SLC15A5: variants seen among roughly 807,000 people sequenced by gnomAD.
SLC15A5 encodes solute carrier family 15 member 5, also known as Peptide/histidine transporter ENSP00000340402.
A neutral mutation model predicts 56.1 loss-of-function variants in SLC15A5; 58 were observed. The ratio of observed to expected loss-of-function variants is 1.03; its 90% confidence interval spans 0.84 to 1.29. The LOEUF (loss-of-function observed/expected upper bound fraction) is 1.29. Ranked by LOEUF, SLC15A5 falls within the 50% of genes most tolerant of loss-of-function variation. SLC15A5 has a pLI of 0.00. For missense variants in SLC15A5, 681 were observed against 672.1 expected, an observed-to-expected ratio of 1.01 and a Z score of -0.15; for synonymous variants, 264 against 250.5, an observed-to-expected ratio of 1.05 and a Z score of -0.51.
intron 2 of SLC15A5, among the ~76,000 whole-genome samples, chr12:16,264,967 A>T (rs886367619): frequency 4.6e-5 from 7 of 152,176 alleles, no homozygotes; most frequent in African/African-American, 1.4e-4. Flanking sequence ...TAAGGGATGA[A>T]ATATTAGAAG....
chr12:16,263,483 A>G (rs1225589078), intron 2 of SLC15A5, among the ~76,000 whole-genome samples: 1 of 152,226 alleles, frequency 6.6e-6, no homozygotes, highest in Non-Finnish European at 1.5e-5. Context: ...TGACAATGCA[A>G]TAGAAAAGAA....
chr12:16,189,152 A>G lies in SLC15A5; in HGVS notation c.*516T>C, dbSNP rs1863816009. On this transcript the variant is annotated 3_prime_UTR_variant, in exon 9 of 9. Transcript: ENST00000344941. ...GAGAAAATGTCCTTAATGAAGTCAT[A>G]TTTTGATAGCATAATATTAACAGCA... The G allele has an allele frequency of 6.6e-6, 1 of 152,172 alleles. No individual in the cohort carries two copies. The highest frequency in any genetic ancestry group is 2.4e-5 in the African/African-American group (1 of 41,454). 9.4% of individuals were successfully genotyped at this position (152,172 alleles called of 1,614,324 possible). A position where few individuals can be genotyped will look rare whatever the true frequency, so the allele number is the denominator to read the frequency against.
chr12:16,230,511 C>G (rs2136252456), intron 5 of SLC15A5, among the ~76,000 whole-genome samples: 1 of 152,198 alleles, frequency 6.6e-6, no homozygotes, highest in African/African-American at 2.4e-5. Context: ...TTACAGTAAA[C>G]AATTAGAATG....
At chr12:16,245,812 A>G (rs983724780) in intron 3 of SLC15A5, among the ~76,000 whole-genome samples, 4 of 152,240 alleles carry the variant, frequency 2.6e-5, no homozygotes, top group Non-Finnish European at 5.9e-5. Flanking sequence ...CAAGTTTCCT[A>G]TAATAAAATT....
intron 7 of SLC15A5, among the ~76,000 whole-genome samples, chr12:16,215,300 G>A (rs1263054972): frequency 4.0e-5 from 6 of 150,354 alleles, no homozygotes; most frequent in Non-Finnish European, 1.5e-5. Context: ...GGTTGCTTAA[G>A]CCTGCATATG....
chr12:16,258,475 A>G (rs556701185), intron 2 of SLC15A5, among the ~76,000 whole-genome samples: 45 of 152,280 alleles, frequency 3.0e-4, no homozygotes, highest in Admixed American at 2.2e-3. Flanking sequence ...TGGGAAAATC[A>G]TCTCTACCTC....
intron 8 of SLC15A5, among the ~76,000 whole-genome samples, chr12:16,193,780 G>GGAGAGAGAGA (rs766458422): frequency 1.3e-5 from 1 of 75,766 alleles, no homozygotes; most frequent in African/African-American, 5.1e-5. Flanking sequence ...TATGTCAAGG[G>GGAGAGAGAGA]GAGAGAGAGA....
chr12:16,260,083 C>T (rs1008450398), intron 2 of SLC15A5, among the ~76,000 whole-genome samples: 1 of 152,104 alleles, frequency 6.6e-6, no homozygotes, highest in African/African-American at 2.4e-5. Flanking sequence ...CAGGAATATG[C>T]AGGGGAGGCA....
chr12:16,260,972 C>G (rs984390833), intron 2 of SLC15A5, among the ~76,000 whole-genome samples: 5 of 151,916 alleles, frequency 3.3e-5, no homozygotes, highest in African/African-American at 1.2e-4. Flanking sequence ...GGTGTATTTT[C>G]TGACTCTCAG....
intron 6 of SLC15A5, among the ~76,000 whole-genome samples, chr12:16,223,124 G>A (rs1204377214): frequency 4.0e-5 from 6 of 151,010 alleles, no homozygotes; most frequent in Non-Finnish European, 5.9e-5. Context: ...ATAAGTATGT[G>A]TGTGTATAAA....
rs1864343195 is a variant in SLC15A5, at chr12:16,235,365, C to T, written c.1162+4316G>A. Among the ~76,000 whole-genome samples, 1 of 150,582 alleles carries T rather than the reference C, an allele frequency of 6.6e-6. No individual in the cohort carries two copies. Among genetic ancestry groups the T allele is most frequent in the Non-Finnish European group, 1.5e-5 (1 of 67,650 alleles). ...ATATGACCTTCTATCTTTTGTTTCT[C>T]TGTAGACCATTGGAATTCATTTCAG... On this transcript the variant is annotated intron_variant, in intron 5 of 8. Coordinates refer to ENST00000344941, the MANE Select transcript of SLC15A5 (RefSeq NM_001170798.1). This position sits in a 1 kb window ranked among gnomAD's most constrained non-coding sequence, Gnocchi z 4.1.
chr12:16,270,510 A>G (rs887305833), intron 2 of SLC15A5, among the ~76,000 whole-genome samples: 1 of 152,146 alleles, frequency 6.6e-6, no homozygotes, highest in African/African-American at 2.4e-5. Flanking sequence ...CTTTCCCAGC[A>G]TTTAGACAAT....
At chr12:16,274,161 G>C (rs1040769895) in intron 1 of SLC15A5, among the ~76,000 whole-genome samples, 1 of 151,892 alleles carries the variant, frequency 6.6e-6, no homozygotes, top group African/African-American at 2.4e-5. Flanking sequence ...AAAATACCCT[G>C]ACACATAAGT....
chr12:16,246,471 T>TA (rs1007144075), intron 3 of SLC15A5, among the ~76,000 whole-genome samples: 6 of 152,194 alleles, frequency 3.9e-5, no homozygotes, highest in Non-Finnish European at 5.9e-5. Context: ...CTGGGTGGCT[T>TA]AACTTCCTGA....
chr12:16,214,863 G>A (rs1027113895), intron 7 of SLC15A5, among the ~76,000 whole-genome samples: 1 of 152,072 alleles, frequency 6.6e-6, no homozygotes, highest in African/African-American at 2.4e-5. Context: ...CTTGTCAGAG[G>A]TGATGACAGC....
At chr12:16,222,287 T>G (rs1864195425) in intron 6 of SLC15A5, among the ~76,000 whole-genome samples, 1 of 152,126 alleles carries the variant, frequency 6.6e-6, no homozygotes, top group African/African-American at 2.4e-5. Flanking sequence ...AGAACTGGGT[T>G]TGAATTCAGA....
At chr12:16,231,337 A>G (rs574659683) in intron 5 of SLC15A5, among the ~76,000 whole-genome samples, 6 of 152,326 alleles carry the variant, frequency 3.9e-5, no homozygotes, top group African/African-American at 1.4e-4. Flanking sequence ...GGAAAAGGTA[A>G]AAAGTCAGAG....
chr12:16,232,758 A>G (rs1015963065), intron 5 of SLC15A5, among the ~76,000 whole-genome samples: 1 of 152,044 alleles, frequency 6.6e-6, no homozygotes, highest in Non-Finnish European at 1.5e-5. Flanking sequence ...TCTACTAAAA[A>G]TACCAAAATT....
chr12:16,232,981 AGAGG>A (rs1049958593), intron 5 of SLC15A5, among the ~76,000 whole-genome samples: 34 of 139,866 alleles, frequency 2.4e-4, no homozygotes, highest in Middle Eastern at 3.5e-3. Flanking sequence ...AAGAAGAAAG[AGAGG>A]GAGGGAGGGA....
Sources: gnomAD v4.1 joint callset for allele counts (sites outside exome capture counted in the v4.1 genomes callset) on GRCh38, gnomAD v4.1.1 for gene constraint, Gnocchi (gnomAD v3.1) non-coding constraint, MANE v1.5 for transcripts, NCBI Gene and HGNC (gene_info 2026-07-23, HGNC 2026-07-21) for gene names.